MACROD2: variants seen among roughly 807,000 people sequenced by gnomAD.
MACROD2 encodes mono-ADP ribosylhydrolase 2.
Under a neutral mutation model 70.4 loss-of-function variants are expected in MACROD2, and 36 were observed. The ratio of observed to expected loss-of-function variants is 0.51; its 90% confidence interval spans 0.39 to 0.68. MACROD2 has a LOEUF of 0.68. Among genes scored for constraint, MACROD2 ranks in the 30% least tolerant of loss-of-function variants. MACROD2 has a pLI of 0.00. For synonymous variants in MACROD2, 172 were observed against 178.8 expected (o/e 0.96, Z 0.30); for missense variants, 496 against 538.4 (o/e 0.92, Z 0.78).
chr20:14,211,489 T>C (rs1204044432), intron 3 of MACROD2, among the ~76,000 whole-genome samples: 1 of 152,168 alleles, frequency 6.6e-6, no homozygotes, highest in Non-Finnish European at 1.5e-5. Flanking sequence ...CAGAATCTAC[T>C]CAGGGAAAAT....
Position 14,465,544 on chromosome 20 carries a change from G to A in MACROD2, c.272-27935G>A, listed in dbSNP as rs151315370. On this transcript the variant is annotated intron_variant, in intron 3 of 17. Coordinates refer to ENST00000684519, the MANE Select transcript of MACROD2 (RefSeq NM_001351661.2). ...TTTAGCCCATTTATATTTAAGGTTA[G>A]TATTGTTATGTGTGAATTTGATCCT... Among the ~76,000 whole-genome samples the A allele has an allele frequency of 9.2e-5, 14 of 152,054 alleles. 1 individual carries two copies. Among genetic ancestry groups the A allele is most frequent in the African/African-American group, 3.4e-4 (14 of 41,418 alleles).
chr20:14,571,110 A>T (rs1418897965), intron 4 of MACROD2, among the ~76,000 whole-genome samples: 1 of 152,094 alleles, frequency 6.6e-6, no homozygotes, highest in Non-Finnish European at 1.5e-5. Flanking sequence ...ACCTTCGAAG[A>T]TGCTCAGATT....
intron 8 of MACROD2, among the ~76,000 whole-genome samples, chr20:15,641,034 C>A (rs1258921304): frequency 1.3e-5 from 2 of 152,226 alleles, no homozygotes; most frequent in African/African-American, 4.8e-5. Context: ...CTCCCTCTTA[C>A]ATATGCACAT....
intron 8 of MACROD2, among the ~76,000 whole-genome samples, chr20:15,611,935 G>T (rs1393450051): frequency 6.7e-6 from 1 of 148,936 alleles, no homozygotes; most frequent in Non-Finnish European, 1.5e-5. Context: ...TTTTAATGCA[G>T]GTCAGGGCTT....
chr20:14,303,263 A>T (rs941722874), intron 3 of MACROD2, among the ~76,000 whole-genome samples: 23 of 152,170 alleles, frequency 1.5e-4, no homozygotes, highest in Non-Finnish European at 2.9e-5. Flanking sequence ...ACAAGGCCTC[A>T]GGCAGCAAGC....
At chr20:14,165,561 T>C (rs1486444360) in intron 3 of MACROD2, among the ~76,000 whole-genome samples, 1 of 152,246 alleles carries the variant, frequency 6.6e-6, no homozygotes, top group Admixed American at 6.5e-5. Flanking sequence ...GTCAGCCATC[T>C]TGAACTTGCT....
chr20:15,152,663 G>A (rs2076279698), intron 5 of MACROD2, among the ~76,000 whole-genome samples: 1 of 151,894 alleles, frequency 6.6e-6, no homozygotes, highest in Admixed American at 6.6e-5. Flanking sequence ...AGGGGTTGGG[G>A]TTCTTGCCCC....
chr20:14,548,675 G>A (rs1211634522), intron 4 of MACROD2, among the ~76,000 whole-genome samples: 1 of 11,846 alleles, frequency 8.4e-5, no homozygotes, highest in African/African-American at 1.8e-4. Flanking sequence ...CCGAGATCCC[G>A]CCACTGCACT....
Position 15,913,485 on chromosome 20 carries a change from G to A in MACROD2, c.776-19791G>A, listed in dbSNP as rs978845656. On this transcript the variant is annotated intron_variant, in intron 10 of 17. Transcript: ENST00000684519. Reference sequence around the variant, plus strand: ...TAAGTCTGCAATTATTTTTTCAAGAGGTGCCAGCCCAAAGAATCATAAGCC... The same window carrying A: ...TAAGTCTGCAATTATTTTTTCAAGAAGTGCCAGCCCAAAGAATCATAAGCC... Among the ~76,000 whole-genome samples, 24 of 152,214 alleles carry A rather than the reference G, an allele frequency of 1.6e-4. 1 individual carries two copies. The highest frequency in any genetic ancestry group is 5.5e-4 in the African/African-American group (23 of 41,544).
intron 8 of MACROD2, among the ~76,000 whole-genome samples, chr20:15,774,919 C>G (rs1206252026): frequency 6.6e-6 from 1 of 152,052 alleles, no homozygotes; most frequent in East Asian, 1.9e-4. Flanking sequence ...TTGGTTTGTG[C>G]TCCTAGCTCC....
At chr20:14,068,350 C>T (rs940210453) in intron 2 of MACROD2, among the ~76,000 whole-genome samples, 6 of 151,022 alleles carry the variant, frequency 4.0e-5, no homozygotes, top group African/African-American at 1.5e-4. Flanking sequence ...ATAAGGATCT[C>T]ATATTTGAGT....
chr20:15,447,672 C>T (rs1423237922), intron 7 of MACROD2, among the ~76,000 whole-genome samples: 2 of 152,146 alleles, frequency 1.3e-5, no homozygotes. Flanking sequence ...CTGACCTTGA[C>T]CTTTTCTATC....
chr20:14,891,426 T>A (rs1235858765), intron 5 of MACROD2, among the ~76,000 whole-genome samples: 1 of 152,190 alleles, frequency 6.6e-6, no homozygotes, highest in Admixed American at 6.5e-5. Flanking sequence ...TCAAAGTACA[T>A]CCAGGGTTTA....
intron 7 of MACROD2, among the ~76,000 whole-genome samples, chr20:15,446,543 G>A (rs1333963769): frequency 2.6e-5 from 4 of 152,152 alleles, no homozygotes; most frequent in South Asian, 2.1e-4. Flanking sequence ...TGCACATCCC[G>A]TGGTTTATGG....
At position 15,341,166 on chromosome 20, in the gene MACROD2, A is replaced by G. The variant is rs1052296845; in HGVS notation, c.541-90239A>G. On this transcript the variant is annotated intron_variant, in intron 6 of 17. Coordinates refer to ENST00000684519, the MANE Select transcript of MACROD2 (RefSeq NM_001351661.2). ...AAAACCCTCACATCCACACTCATTC[A>G]TATTTTCTTTGGTACATAAAACGGT... is the stretch of plus-strand genomic sequence containing the variant. 2.0e-5 allele frequency among the ~76,000 whole-genome samples: 3 copies of G among 152,202 alleles called. No individual in the cohort carries two copies. The East Asian group carries it at 5.8e-4, about 29-fold the overall frequency.
At position 14,663,691 on chromosome 20, in the gene MACROD2, T is replaced by C. The variant is rs191695724; in HGVS notation, c.302-21152T>C. Among the ~76,000 whole-genome samples the C allele has an allele frequency of 2.0e-5, 3 of 152,092 alleles. No homozygotes were observed. In the East Asian group the frequency reaches 5.8e-4, roughly 29 times the overall value. The stretch of plus-strand genomic sequence containing the variant: ...AGTTCTTTATACTGGCTTTGCAAAT[T>C]TTTTAAAAGTTTGAAAGTATTTTAA... On this transcript the variant is annotated intron_variant, in intron 4 of 17. Transcript: ENST00000684519.
chr20:14,644,234 T>C (rs1985250672), intron 4 of MACROD2, among the ~76,000 whole-genome samples: 1 of 152,184 alleles, frequency 6.6e-6, no homozygotes, highest in South Asian at 2.1e-4. Flanking sequence ...TTTCTTCTCA[T>C]GACAAAGAGC....
chr20:15,925,088 A>G (rs571911919), intron 10 of MACROD2, among the ~76,000 whole-genome samples: 144 of 152,314 alleles, frequency 9.5e-4, no homozygotes, highest in Non-Finnish European at 1.8e-3. Context: ...TATAGAGTGG[A>G]CACCAGGTTA....
intron 5 of MACROD2, among the ~76,000 whole-genome samples, chr20:14,709,175 TC>T (rs2071306752): frequency 6.6e-6 from 1 of 152,190 alleles, no homozygotes; most frequent in Non-Finnish European, 1.5e-5. Flanking sequence ...TCAAAGCATT[TC>T]TTTATACTTA....
Sources: gnomAD v4.1 joint callset for allele counts (sites outside exome capture counted in the v4.1 genomes callset) on GRCh38, gnomAD v4.1.1 for gene constraint, MANE v1.5 for transcripts, NCBI Gene and HGNC (gene_info 2026-07-23, HGNC 2026-07-21) for gene names.